The following ZBTB7C variants were observed in gnomAD, a reference collection of about 807,000 sequenced individuals.
ZBTB7C encodes zinc finger and BTB domain containing 7C.
In ZBTB7C, 8 loss-of-function variants were observed where a neutral mutation model predicts 25.7. The observed-to-expected ratio is 0.31, with a 90% confidence interval of 0.18 to 0.56. ZBTB7C has a LOEUF of 0.56. ZBTB7C is among the 20% of genes least tolerant of loss of function. ZBTB7C has a pLI of 0.91. For synonymous variants in ZBTB7C, 394 were observed against 369.0 expected (o/e 1.07, Z -0.78); for missense variants, 824 against 855.2 (o/e 0.96, Z 0.46).
At chr18:48,306,898 C>T (rs567500810) in intron 2 of ZBTB7C, among the ~76,000 whole-genome samples, 4 of 152,282 alleles carry the variant, frequency 2.6e-5, no homozygotes, top group South Asian at 2.1e-4. Flanking sequence ...CCCTTTGCAT[C>T]GGAATTCTCT....
intron 3 of ZBTB7C, chr18:48,147,927 T>C (rs966552185): frequency 6.6e-6 from 1 of 152,098 alleles, no homozygotes; most frequent in Non-Finnish European, 1.5e-5. Flanking sequence ...TATGCTTTTT[T>C]AAAACAGAAA....
Position 48,029,593 on chromosome 18 carries a change from A to G in ZBTB7C, c.1527T>C (p.Pro509=), listed in dbSNP as rs2144053247. ...GGTGGCCGCCCACCTCGCCCAGCGCAGGGGGCATCACGAAGGCCGCCTTGT... is the reference window on the plus strand; with the variant it reads ...GGTGGCCGCCCACCTCGCCCAGCGCGGGGGGCATCACGAAGGCCGCCTTGT... The part of the protein sequence containing the change: ...APDKAAFVMP[P]ALGEVGGHLG... The change falls in exon 5 of 5, where the codon CCT becomes CCC. Residue 509 remains proline, a synonymous_variant. Transcript: ENST00000590800. 1.3e-6 allele frequency: 2 copies of G among 1,494,176 alleles called. No individual in the cohort carries two copies. Among genetic ancestry groups the G allele is most frequent in the South Asian group, 1.3e-5 (1 of 75,404 alleles). The allele number at this position is 1,494,176 out of a possible 1,614,324, so 92.6% of individuals were successfully genotyped here.
chr18:48,126,403 G>A (rs1365486587), intron 3 of ZBTB7C, among the ~76,000 whole-genome samples: 2 of 152,156 alleles, frequency 1.3e-5, no homozygotes, highest in African/African-American at 4.8e-5. Context: ...TGAGAGCGGC[G>A]CTCTGAGGAC....
chr18:48,370,302 GA>G (rs1031581218), intron 1 of ZBTB7C, among the ~76,000 whole-genome samples: 1 of 151,796 alleles, frequency 6.6e-6, no homozygotes, highest in African/African-American at 2.4e-5. Flanking sequence ...TATGCTGAGT[GA>G]AAAAAAATCC....
chr18:48,308,562 G>A (rs181693153), intron 2 of ZBTB7C, among the ~76,000 whole-genome samples: 35 of 152,322 alleles, frequency 2.3e-4, no homozygotes, highest in Admixed American at 1.5e-3. Context: ...GGACCAATAC[G>A]TTTGTAAAAT....
chr18:48,400,116 GC>G (rs369167051), intron 1 of ZBTB7C, among the ~76,000 whole-genome samples: 2 of 152,098 alleles, frequency 1.3e-5, no homozygotes, highest in Admixed American at 1.3e-4. Context: ...TAATGCCCCT[GC>G]CCCATCTCCA....
intron 1 of ZBTB7C, among the ~76,000 whole-genome samples, chr18:48,378,083 G>A (rs573558835): frequency 3.2e-4 from 49 of 152,228 alleles, no homozygotes; most frequent in Non-Finnish European, 6.9e-4. Flanking sequence ...CCCGGGAGGC[G>A]GAGGTTGCAG....
intron 3 of ZBTB7C, among the ~76,000 whole-genome samples, chr18:48,063,193 G>C (rs2144337057): frequency 6.6e-6 from 1 of 152,308 alleles, no homozygotes; most frequent in African/African-American, 2.4e-5. Context: ...AGGCAAGTTG[G>C]GATGGTTGGT....
At chr18:48,298,741 G>A (rs2045466811) in intron 2 of ZBTB7C, among the ~76,000 whole-genome samples, 1 of 152,204 alleles carries the variant, frequency 6.6e-6, no homozygotes, top group Non-Finnish European at 1.5e-5. Context: ...AGCAGGGTAG[G>A]CCAGTGTCTG....
At chr18:48,319,025 TAGCA>T (rs2046023242) in intron 2 of ZBTB7C, among the ~76,000 whole-genome samples, 1 of 152,140 alleles carries the variant, frequency 6.6e-6, no homozygotes, top group African/African-American at 2.4e-5. Context: ...AGAAGGATCT[TAGCA>T]AGCATCAGAG....
At chr18:48,206,447 G>C (rs921017640) in intron 2 of ZBTB7C, among the ~76,000 whole-genome samples, 1 of 152,118 alleles carries the variant, frequency 6.6e-6, no homozygotes, top group African/African-American at 2.4e-5. Context: ...TTGAGCCCAG[G>C]AGTTAGAGAC....
At chr18:48,170,763 G>C in intron 3 of ZBTB7C, among the ~76,000 whole-genome samples, 1 of 152,144 alleles carries the variant, frequency 6.6e-6, no homozygotes, top group East Asian at 1.9e-4. Flanking sequence ...GCCTTCCTCA[G>C]TTCACTCACC....
chr18:48,281,522 C>T (rs2044849434), intron 2 of ZBTB7C, among the ~76,000 whole-genome samples: 2 of 152,230 alleles, frequency 1.3e-5, no homozygotes, highest in African/African-American at 2.4e-5. Context: ...AGTGAACAGG[C>T]AACCTACAAA....
At chr18:48,373,245 T>C (rs982267338) in intron 1 of ZBTB7C, among the ~76,000 whole-genome samples, 4 of 151,166 alleles carry the variant, frequency 2.6e-5, no homozygotes, top group African/African-American at 9.7e-5. Context: ...TGATAGTGAG[T>C]TCTCACAAGA....
chr18:48,106,346 A>G (rs529827780), intron 3 of ZBTB7C, among the ~76,000 whole-genome samples: 1 of 69,546 alleles, frequency 1.4e-5, no homozygotes, highest in African/African-American at 6.9e-5. Context: ...AAGTGGCAAG[A>G]AAAAAAAAAA....
chr18:48,084,147 G>T (rs1598847731), intron 3 of ZBTB7C, among the ~76,000 whole-genome samples: 1 of 152,176 alleles, frequency 6.6e-6, no homozygotes, highest in African/African-American at 2.4e-5. Flanking sequence ...AGTGGGGCAC[G>T]TCTCCTAGCC....
upstream of ZBTB7C, among the ~76,000 whole-genome samples, chr18:48,412,228 G>C (rs999613834): frequency 6.6e-6 from 1 of 152,110 alleles, no homozygotes; most frequent in Non-Finnish European, 1.5e-5. Context: ...TATTAGTTAT[G>C]GTGATAAACT....
chr18:48,264,417 A>G (rs2044254316), intron 2 of ZBTB7C, among the ~76,000 whole-genome samples: 1 of 152,180 alleles, frequency 6.6e-6, no homozygotes, highest in Admixed American at 6.5e-5. Flanking sequence ...ATCCTCACAG[A>G]TGCAGCTAGG....
At chr18:48,347,559 T>G (rs2046770550) in intron 1 of ZBTB7C, among the ~76,000 whole-genome samples, 1 of 152,064 alleles carries the variant, frequency 6.6e-6, no homozygotes, top group Admixed American at 6.5e-5. Flanking sequence ...CTCACCCTGC[T>G]GCCTCTGCCT....
Sources: gnomAD v4.1 joint callset for allele counts (sites outside exome capture counted in the v4.1 genomes callset) on GRCh38, gnomAD v4.1.1 for gene constraint, MANE v1.5 for transcripts, NCBI Gene and HGNC (gene_info 2026-07-23, HGNC 2026-07-21) for gene names.